The following DCAF6 variants were observed in gnomAD, a reference collection of about 807,000 sequenced individuals.
The protein encoded by DCAF6 is DDB1- and CUL4-associated factor 6.
Under a neutral mutation model 125.1 loss-of-function variants are expected in DCAF6, and 54 were observed. The ratio of observed to expected loss-of-function variants is 0.43; its 90% confidence interval spans 0.35 to 0.54. The LOEUF is 0.54. DCAF6 is among the 20% of genes least tolerant of loss of function. The pLI is 0.01. For missense variants in DCAF6, 934 were observed against 1,161.7 expected (o/e 0.80, Z 2.85); for synonymous variants, 371 against 390.4 (o/e 0.95, Z 0.58).
chr1:167,983,253 C>A (rs1468589636), intron 4 of DCAF6, among the ~76,000 whole-genome samples: 1 of 152,134 alleles, frequency 6.6e-6, no homozygotes, highest in East Asian at 1.9e-4. Context: ...TTGTGTTGGG[C>A]TGAATGGTCA....
chr1:168,028,914 A>G (rs1409171032), intron 12 of DCAF6, among the ~76,000 whole-genome samples: 3 of 152,198 alleles, frequency 2.0e-5, no homozygotes, highest in South Asian at 2.1e-4. Context: ...GAATACATCC[A>G]TAAATAGTAT....
chr1:167,905,217 T>G, the DCAF6 span: 1 of 1,504,440 alleles, frequency 6.6e-7, no homozygotes, highest in South Asian at 1.1e-5. Flanking sequence ...AAAATTGAAA[T>G]AGAGGAAATC....
At chr1:168,029,130 T>A (rs551350382) in intron 12 of DCAF6, among the ~76,000 whole-genome samples, 22 of 152,338 alleles carry the variant, frequency 1.4e-4, no homozygotes, top group African/African-American at 5.3e-4. Flanking sequence ...TTGTTGCATA[T>A]GCTCGTGTGT....
intron 3 of DCAF6, 85 bp downstream of exon 3, chr1:167,966,806 A>G (rs1676486646): frequency 8.6e-6 from 7 of 810,580 alleles, no homozygotes; most frequent in Non-Finnish European, 1.4e-5. Context: ...CAGTCATAGA[A>G]TGGGCATTTA....
chr1:168,051,167 AAT>A (rs1689881264), intron 17 of DCAF6, among the ~76,000 whole-genome samples: 1 of 152,234 alleles, frequency 6.6e-6, no homozygotes, highest in Non-Finnish European at 1.5e-5. Context: ...GTTCACTTCA[AAT>A]ATGTCATATG....
the DCAF6 span, among the ~76,000 whole-genome samples, chr1:167,922,564 G>A: frequency 6.6e-6 from 1 of 151,850 alleles, no homozygotes; most frequent in Non-Finnish European, 1.5e-5. Flanking sequence ...TTAGTATAGG[G>A]GGTTTTAGGA....
At chr1:168,020,065 C>G (rs1408410254) in intron 11 of DCAF6, 1 of 152,298 alleles carries the variant, frequency 6.6e-6, no homozygotes, top group African/African-American at 2.4e-5. Flanking sequence ...TGTTTCAGAA[C>G]AGCTTTGTAC....
At chr1:167,984,497 A>G (rs564999403) in intron 4 of DCAF6, among the ~76,000 whole-genome samples, 5 of 152,200 alleles carry the variant, frequency 3.3e-5, no homozygotes, top group South Asian at 2.1e-4. Flanking sequence ...TATGCTTCCA[A>G]TGATTTCATT....
intron 3 of DCAF6, among the ~76,000 whole-genome samples, chr1:167,970,884 A>G (rs977048630): frequency 6.6e-6 from 1 of 152,130 alleles, no homozygotes; most frequent in Non-Finnish European, 1.5e-5. Flanking sequence ...TATTTTAATT[A>G]TATATAGCAT....
At position 167,951,345 on chromosome 1, in the gene DCAF6, C is replaced by T. The variant is rs551756542; in HGVS notation, c.98-455C>T. The stretch of plus-strand genomic sequence containing the variant: ...ATCCTAGCACTTTGGGAGGCCAATG[C>T]GGGTGGATCAGTTGAGGTGAGGAGT... On this transcript the variant is annotated intron_variant, in intron 1 of 21. Coordinates refer to ENST00000367840, the MANE Select transcript of DCAF6 (RefSeq NM_001198956.2). 3.9e-5 allele frequency among the ~76,000 whole-genome samples: 6 copies of T among 152,182 alleles called. No individual in the cohort carries two copies. The South Asian group carries it at 8.3e-4, about 21-fold the overall frequency.
the DCAF6 span, among the ~76,000 whole-genome samples, chr1:167,926,922 T>G: frequency 1.3e-5 from 2 of 152,206 alleles, no homozygotes; most frequent in Admixed American, 1.3e-4. Context: ...AAACTCCAGG[T>G]TAGGCTAAAT....
At chr1:168,044,507 G>C (rs1688919620) in intron 14 of DCAF6, 78 bp from the exon 15 acceptor site, 2 of 934,858 alleles carry the variant, frequency 2.1e-6, no homozygotes, top group Admixed American at 3.6e-5. Context: ...AGGAGCTGCA[G>C]ATTTTGGTAT....
chr1:168,044,021 A>G (rs970528557), intron 14 of DCAF6, among the ~76,000 whole-genome samples: 5 of 152,172 alleles, frequency 3.3e-5, no homozygotes, highest in Non-Finnish European at 5.9e-5. Context: ...AGTCTAAAGC[A>G]GAGATTCTGC....
At chr1:168,032,831 AATT>A (rs1235877385) in intron 12 of DCAF6, among the ~76,000 whole-genome samples, 1 of 152,166 alleles carries the variant, frequency 6.6e-6, no homozygotes, top group East Asian at 1.9e-4. Flanking sequence ...GTTCTAAAGA[AATT>A]ATTGTTGCTA....
In DCAF6 at chr1:168,065,662, G is replaced by T. The variant is rs1242978268; in HGVS notation, c.2512G>T (p.Asp838Tyr). 5 of 1,613,382 alleles carry T rather than the reference G, an allele frequency of 3.1e-6. No individual in the cohort carries two copies. In the South Asian group the frequency reaches 5.5e-5, roughly 18 times the overall value. ...TGACTGTGGCCACATTTTCATCTGG[G>T]ATCGGCACACTGCTGAGCATTTGAT... is the stretch of plus-strand genomic sequence containing the variant. Reference protein sequence around the residue: ...GSDCGHIFIWDRHTAEHLMLL... With the variant: ...GSDCGHIFIWYRHTAEHLMLL... Residue 838 changes from aspartate to tyrosine, a missense_variant, in exon 19 of 22, where the codon GAT (aspartate) becomes TAT (tyrosine). Physicochemically the swap from Asp to Tyr is radical, Grantham distance 160. This residue lies in a region of DCAF6 where 559 missense variants were observed against 635.5 expected (regional missense o/e 0.88). Transcript: ENST00000367840.
upstream of DCAF6, chr1:167,936,123 A>G (rs1307008831): frequency 4.1e-6 from 2 of 486,354 alleles, no homozygotes; most frequent in Admixed American, 3.4e-5. Context: ...GTGCCAAAAT[A>G]ATCACCTCAC....
chr1:167,974,805 T>A (rs1010801581), intron 3 of DCAF6, 25 bp from the exon 4 acceptor site: 1 of 1,465,642 alleles, frequency 6.8e-7, no homozygotes, highest in African/African-American at 1.4e-5. Context: ...AAGTTACCAT[T>A]AACTGCTTTC....
the DCAF6 span, among the ~76,000 whole-genome samples, chr1:167,895,747 T>TCTCAAG: frequency 6.6e-6 from 1 of 152,132 alleles, no homozygotes; most frequent in Admixed American, 6.5e-5. Flanking sequence ...TGAGAGTGAG[T>TCTCAAG]GTCTGCTTAA....
the DCAF6 span, among the ~76,000 whole-genome samples, chr1:167,868,576 G>A: frequency 2.6e-5 from 4 of 151,930 alleles, no homozygotes; most frequent in Non-Finnish European, 5.9e-5. Flanking sequence ...CCCCCACTAG[G>A]CTATACTGGA....
Sources: allele counts gnomAD v4.1 joint callset (sites outside exome capture counted in the v4.1 genomes callset), GRCh38; gene constraint gnomAD v4.1.1; regional missense constraint gnomAD v4.1.1; transcripts MANE v1.5; gene names NCBI Gene and HGNC (gene_info 2026-07-23, HGNC 2026-07-21).